TRMO: variants seen among roughly 807,000 people sequenced by gnomAD.
TRMO encodes the protein tRNA methyltransferase O, also known as tRNA (adenine(37)-N6)-methyltransferase.
A neutral mutation model predicts 37.2 loss-of-function variants in TRMO; 30 were observed. The observed-to-expected ratio is 0.81, with a 90% CI of 0.60 to 1.09. The LOEUF (loss-of-function observed/expected upper bound fraction) is 1.09, where lower values mean the gene tolerates loss of function less well. Ranked by LOEUF, TRMO falls within the 50% of genes least tolerant of loss-of-function variation. The probability of loss-of-function intolerance (pLI) is 0.00; values close to 1 mark genes in which losing one functional copy is unlikely to be tolerated. For synonymous variants in TRMO, 239 were observed against 199.4 expected, an observed-to-expected ratio of 1.20 and a Z score of -1.67; for missense variants, 552 against 549.5, an observed-to-expected ratio of 1.00 and a Z score of -0.05.
Position 97,922,307 on chromosome 9 carries a change from A to G in TRMO, c.76+111T>C, listed in dbSNP as rs1031940161. The stretch of plus-strand genomic sequence containing the variant: ...CCCGTGCCTTCGCCGTAGGTAAAAG[A>G]ATGACGCACGTCAGTTCCAGATCGT... On this transcript the variant is annotated intron_variant, in intron 1 of 4. Transcript: ENST00000375119. 3 of 733,360 alleles carry G rather than the reference A, an allele frequency of 4.1e-6. No homozygotes were observed. The African/African-American group carries it at 5.3e-5, about 13-fold the overall frequency. 45.4% of individuals were successfully genotyped at this position (733,360 alleles called of 1,614,324 possible).
chr9:97,909,610 A>T (rs1348233874), intron 4 of TRMO, among the ~76,000 whole-genome samples: 1 of 152,234 alleles, frequency 6.6e-6, no homozygotes, highest in Non-Finnish European at 1.5e-5. Flanking sequence ...AGAAAACTTT[A>T]TGTACATAAG....
At chr9:97,903,951 G>A (rs982684792), downstream of TRMO, among the ~76,000 whole-genome samples, 5 of 152,012 alleles carry the variant, frequency 3.3e-5, no homozygotes, top group African/African-American at 9.7e-5. Flanking sequence ...GCATGGTGGC[G>A]CACGCCTGTA....
chr9:97,909,278 C>T (rs533279687), intron 4 of TRMO, among the ~76,000 whole-genome samples: 39 of 152,170 alleles, frequency 2.6e-4, no homozygotes, highest in Non-Finnish European at 5.0e-4. Context: ...TTACTGGTAT[C>T]GCTGTATCCA....
chr9:97,919,160 A>C (rs373184567), intron 1 of TRMO, among the ~76,000 whole-genome samples: 1 of 152,106 alleles, frequency 6.6e-6, no homozygotes, highest in East Asian at 1.9e-4. Flanking sequence ...TATGGAACAG[A>C]TATAGTAGAC....
At chr9:97,922,350 C>T in intron 1 of TRMO, 68 bp downstream of exon 1, 1 of 1,106,452 alleles carries the variant, frequency 9.0e-7, no homozygotes, top group Non-Finnish European at 1.3e-6. Flanking sequence ...ACACCCCTCT[C>T]GGCAACGAAG....
chr9:97,912,658 TGGAATCACAGAG>T, intron 3 of TRMO: 5 of 299,444 alleles, frequency 1.7e-5, no homozygotes, highest in South Asian at 1.1e-4. Context: ...AAATATTCTG[TGGAATCACAGAG>T]GAAGCAGGTC....
intron 3 of TRMO, chr9:97,912,860 A>C: frequency 8.1e-7 from 1 of 1,235,134 alleles, no homozygotes; most frequent in South Asian, 1.3e-5. Flanking sequence ...AACTAGTTTA[A>C]AACTTCTACA....
At chr9:97,897,391 C>G in the TRMO span, among the ~76,000 whole-genome samples, 1 of 152,200 alleles carries the variant, frequency 6.6e-6, no homozygotes, top group Non-Finnish European at 1.5e-5. Flanking sequence ...ACCCACCAAT[C>G]TCTGTCATGT....
At chr9:97,900,951 A>G (rs930196165), downstream of TRMO, among the ~76,000 whole-genome samples, 1 of 152,208 alleles carries the variant, frequency 6.6e-6, no homozygotes, top group African/African-American at 2.4e-5. Context: ...GGAATAATCA[A>G]TCCCACCCCT....
downstream of TRMO, among the ~76,000 whole-genome samples, chr9:97,903,285 C>T (rs367786925): frequency 7.9e-5 from 12 of 151,884 alleles, no homozygotes; most frequent in East Asian, 2.1e-3. Flanking sequence ...AAATCAAAAA[C>T]CAAAAATCAA....
intron 3 of TRMO, chr9:97,912,887 TC>T: frequency 7.7e-7 from 1 of 1,298,384 alleles, no homozygotes; most frequent in Non-Finnish European, 1.0e-6. Context: ...CCAATGTTTG[TC>T]CTTGTAGTGT....
At chr9:97,898,211 C>T in the TRMO span, among the ~76,000 whole-genome samples, 5 of 152,304 alleles carry the variant, frequency 3.3e-5, no homozygotes, top group African/African-American at 1.2e-4. Flanking sequence ...GTGCACTGGC[C>T]TAAACCTTGA....
At chr9:97,915,720 T>C (rs1026646321) in intron 2 of TRMO, 2 of 152,438 alleles carry the variant, frequency 1.3e-5, no homozygotes, top group Non-Finnish European at 2.9e-5. Context: ...GTTATCTCAA[T>C]TGATTGTTCA....
chr9:97,904,283 C>T (rs1204206066), downstream of TRMO, among the ~76,000 whole-genome samples: 1 of 152,060 alleles, frequency 6.6e-6, no homozygotes, highest in Non-Finnish European at 1.5e-5. Context: ...CAAAAACTAT[C>T]TCTACTTGTT....
At position 97,904,493 on chromosome 9, in the gene TRMO, C is replaced by G; in HGVS notation, c.*240G>C. On this transcript the variant is annotated 3_prime_UTR_variant, in exon 5 of 5. Transcript: ENST00000375119. ...TCAGAAATTATCGAGACAGCATCAC[C>G]TTTTGATTCTTTAATATCAACAGAT... 1.5e-6 allele frequency: 2 copies of G among 1,312,938 alleles called. No homozygotes were observed. The highest frequency in any genetic ancestry group is 1.5e-5 in the African/African-American group (1 of 67,666). 81.3% of individuals were successfully genotyped at this position (1,312,938 alleles called of 1,614,324 possible).
At chr9:97,906,149 C>A (rs1469605515) in intron 4 of TRMO, among the ~76,000 whole-genome samples, 1 of 121,936 alleles carries the variant, frequency 8.2e-6, no homozygotes, top group Non-Finnish European at 1.7e-5. Context: ...CAGAAAGAGA[C>A]TGTATCTCAA....
chr9:97,908,399 G>A (rs540242537), intron 4 of TRMO, among the ~76,000 whole-genome samples: 127 of 136,824 alleles, frequency 9.3e-4, no homozygotes, highest in African/African-American at 3.4e-3. Flanking sequence ...GCGACAGAGC[G>A]AGACTCCGTC....
intron 3 of TRMO, chr9:97,911,399 G>C (rs534204267): frequency 6.5e-6 from 1 of 153,274 alleles, no homozygotes; most frequent in Non-Finnish European, 1.5e-5. Context: ...CAAGAATCTG[G>C]GGCCCCCAGT....
chr9:97,901,224 T>C (rs1831162532), downstream of TRMO, among the ~76,000 whole-genome samples: 1 of 146,332 alleles, frequency 6.8e-6, no homozygotes, highest in Non-Finnish European at 1.5e-5. Flanking sequence ...AAAATTAAGG[T>C]GGGTGCCATT....
Sources: gnomAD v4.1 joint callset for allele counts (sites outside exome capture counted in the v4.1 genomes callset) on GRCh38, gnomAD v4.1.1 for gene constraint, MANE v1.5 for transcripts, NCBI Gene and HGNC (gene_info 2026-07-23, HGNC 2026-07-21) for gene names.